RCAN2: variants seen among roughly 807,000 people sequenced by gnomAD.
The protein encoded by RCAN2 is calcipressin-2.
A neutral mutation model predicts 23.6 loss-of-function variants in RCAN2; 9 were observed. The observed-to-expected ratio is 0.38, with a 90% CI of 0.23 to 0.67. The LOEUF (loss-of-function observed/expected upper bound fraction) is 0.67. RCAN2 is among the 30% of genes least tolerant of loss of function. The pLI is 0.51. For synonymous variants in RCAN2, 109 were observed against 115.7 expected (o/e 0.94, Z 0.37); for missense variants, 273 against 302.3 (o/e 0.90, Z 0.72).
chr6:46,256,501 T>G (rs1582036554), intron 2 of RCAN2, among the ~76,000 whole-genome samples: 1 of 152,326 alleles, frequency 6.6e-6, no homozygotes, highest in Non-Finnish European at 1.5e-5. Flanking sequence ...ATATTTGAAA[T>G]AAAATGATTA....
chr6:46,365,177 T>C (rs1241478309), intron 2 of RCAN2, among the ~76,000 whole-genome samples: 1 of 152,094 alleles, frequency 6.6e-6, no homozygotes, highest in Non-Finnish European at 1.5e-5. Context: ...ACCCCATCTG[T>C]AGAAAAATTG....
At chr6:46,312,959 C>T (rs1418833132) in intron 2 of RCAN2, among the ~76,000 whole-genome samples, 1 of 152,202 alleles carries the variant, frequency 6.6e-6, no homozygotes, top group Non-Finnish European at 1.5e-5. Flanking sequence ...AACATGCTTC[C>T]CATGACCCAA....
In RCAN2 at chr6:46,411,270, T is replaced by C. The variant is rs114020049; in HGVS notation, c.225+45482A>G. On this transcript the variant is annotated intron_variant, in intron 2 of 4. Coordinates refer to ENST00000371374, the MANE Select transcript of RCAN2 (RefSeq NM_001251974.2). Reference sequence around the variant, plus strand: ...GCTAAGTGAAATAAGTCAAACACAATGAGGCACCTAGTGTAGTCAAATTCA... The same window carrying C: ...GCTAAGTGAAATAAGTCAAACACAACGAGGCACCTAGTGTAGTCAAATTCA... 1.5e-3 allele frequency among the ~76,000 whole-genome samples: 222 copies of C among 152,228 alleles called. 1 individual carries two copies. The highest frequency in any genetic ancestry group is 5.0e-3 in the African/African-American group (209 of 41,552).
intron 2 of RCAN2, among the ~76,000 whole-genome samples, chr6:46,288,251 A>G (rs965762134): frequency 1.3e-5 from 2 of 152,246 alleles, no homozygotes; most frequent in African/African-American, 4.8e-5. Flanking sequence ...AAATTAAACC[A>G]TTAAAAGAAA....
intron 2 of RCAN2, among the ~76,000 whole-genome samples, chr6:46,404,081 G>T (rs1582174383): frequency 6.6e-6 from 1 of 152,192 alleles, no homozygotes; most frequent in African/African-American, 2.4e-5. Context: ...AATTAGCTAG[G>T]TGTGGTGGTG....
chr6:46,271,433 T>G (rs1480158010), intron 2 of RCAN2, among the ~76,000 whole-genome samples: 1 of 152,228 alleles, frequency 6.6e-6, no homozygotes, highest in Non-Finnish European at 1.5e-5. Flanking sequence ...CCAATTTAAA[T>G]GTTAATCTCA....
intron 2 of RCAN2, among the ~76,000 whole-genome samples, chr6:46,412,191 G>T (rs1485034054): frequency 3.3e-5 from 5 of 152,174 alleles, no homozygotes. Flanking sequence ...AAGAGGGAAA[G>T]GAGGAAATAA....
At chr6:46,335,426 C>T (rs1020895564) in intron 2 of RCAN2, among the ~76,000 whole-genome samples, 2 of 152,130 alleles carry the variant, frequency 1.3e-5, no homozygotes, top group Non-Finnish European at 2.9e-5. Context: ...GTTTCTGTCA[C>T]TAACAACTAA....
rs533744911 is a variant in RCAN2, at chr6:46,432,495, G to A, written c.225+24257C>T. ...CCCAAAGCACTGTGATTACAGGTGT[G>A]AGCCACCACACCCGGCCTATCTTTA... On this transcript the variant is annotated intron_variant, in intron 2 of 4. Coordinates refer to ENST00000371374, the MANE Select transcript of RCAN2 (RefSeq NM_001251974.2). Among the ~76,000 whole-genome samples, 8 of 152,152 alleles carry A rather than the reference G, an allele frequency of 5.3e-5. No homozygotes were observed. In the South Asian group the frequency reaches 1.0e-3, roughly 20 times the overall value.
At chr6:46,304,899 A>T (rs1763016033) in intron 2 of RCAN2, among the ~76,000 whole-genome samples, 4 of 152,130 alleles carry the variant, frequency 2.6e-5, no homozygotes, top group Admixed American at 2.6e-4. Context: ...TGCCCAGTAG[A>T]ACACTGTGCA....
intron 4 of RCAN2, among the ~76,000 whole-genome samples, chr6:46,228,981 T>C (rs1765778458): frequency 6.6e-6 from 1 of 152,216 alleles, no homozygotes; most frequent in Non-Finnish European, 1.5e-5. Context: ...ACAAAATCTC[T>C]CAGCATTTGC....
chr6:46,270,776 G>A (rs934628177), intron 2 of RCAN2, among the ~76,000 whole-genome samples: 6 of 152,114 alleles, frequency 3.9e-5, no homozygotes, highest in Non-Finnish European at 5.9e-5. Context: ...TTGCCCTCTG[G>A]AGAACCCCAC....
chr6:46,338,533 C>T (rs1764210179), intron 2 of RCAN2, among the ~76,000 whole-genome samples: 2 of 152,086 alleles, frequency 1.3e-5, no homozygotes, highest in South Asian at 2.1e-4. Flanking sequence ...AGTGAATTTC[C>T]CCAGTATAGA....
intron 1 of RCAN2, among the ~76,000 whole-genome samples, chr6:46,476,279 A>C (rs1407223568): frequency 6.6e-6 from 1 of 152,184 alleles, no homozygotes. Flanking sequence ...AAAATAATGA[A>C]GGCAATATTT....
intron 2 of RCAN2, among the ~76,000 whole-genome samples, chr6:46,335,519 C>T (rs1418331142): frequency 2.0e-5 from 3 of 152,172 alleles, no homozygotes; most frequent in South Asian, 2.1e-4. Flanking sequence ...TCATTGGGAA[C>T]TAGATATTCA....
At chr6:46,281,320 T>A (rs1385274460) in intron 2 of RCAN2, among the ~76,000 whole-genome samples, 1 of 152,230 alleles carries the variant, frequency 6.6e-6, no homozygotes, top group Non-Finnish European at 1.5e-5. Context: ...GTGTCTACAA[T>A]TGGTCTGTGC....
chr6:46,391,340 G>A (rs374039064), intron 2 of RCAN2, among the ~76,000 whole-genome samples: 3 of 152,090 alleles, frequency 2.0e-5, no homozygotes, highest in Non-Finnish European at 4.4e-5. Flanking sequence ...GGAACATAAC[G>A]AGCTCTCAAA....
At chr6:46,472,787 A>G (rs1052110518) in intron 1 of RCAN2, among the ~76,000 whole-genome samples, 3 of 152,210 alleles carry the variant, frequency 2.0e-5, no homozygotes, top group East Asian at 3.8e-4. Flanking sequence ...TCTAAGACAT[A>G]TAAGTCTTGA....
At chr6:46,350,366 C>A (rs1246680624) in intron 2 of RCAN2, among the ~76,000 whole-genome samples, 1 of 152,148 alleles carries the variant, frequency 6.6e-6, no homozygotes, top group Non-Finnish European at 1.5e-5. Context: ...GGTTTACGAG[C>A]AGGTGAGCAG....
Sources: gnomAD v4.1 joint callset for allele counts (sites outside exome capture counted in the v4.1 genomes callset) on GRCh38, gnomAD v4.1.1 for gene constraint, MANE v1.5 for transcripts, NCBI Gene and HGNC (gene_info 2026-07-23, HGNC 2026-07-21) for gene names.